The following CTNND2 variants were observed in gnomAD, a reference collection of about 807,000 sequenced individuals.
CTNND2 encodes the protein catenin delta-2.
CTNND2 carries 22 observed loss-of-function variants against 144.4 expected under a neutral mutation model. The ratio of observed to expected loss-of-function variants is 0.15; its 90% confidence interval spans 0.11 to 0.22. The LOEUF (loss-of-function observed/expected upper bound fraction) is 0.22, where lower values mean the gene tolerates loss of function less well. Ranked by LOEUF, CTNND2 falls within the 10% of genes least tolerant of loss-of-function variation. CTNND2 has a pLI of 1.00. For missense variants in CTNND2, 1,353 were observed against 1,618.8 expected, an observed-to-expected ratio of 0.84 and a Z score of 2.82; for synonymous variants, 751 against 695.6, an observed-to-expected ratio of 1.08 and a Z score of -1.25.
At position 11,869,124 on chromosome 5, in the gene CTNND2, G is replaced by T. The variant is rs920739882; in HGVS notation, c.37+34693C>A. 1.3e-5 allele frequency among the ~76,000 whole-genome samples: 2 copies of T among 152,070 alleles called. 1 individual carries two copies. The highest frequency in any genetic ancestry group is 4.1e-4 in the South Asian group (2 of 4,820). ...TGTTGGTGAAAATGTGGACAAACTG[G>T]AACCCTCATGCATTGCTAACAGGCA... On this transcript the variant is annotated intron_variant, in intron 1 of 21. Transcript: ENST00000304623.
chr5:11,311,010 A>C (rs1481039489), intron 9 of CTNND2, among the ~76,000 whole-genome samples: 8 of 136,100 alleles, frequency 5.9e-5, no homozygotes, highest in Non-Finnish European at 1.1e-4. Context: ...CCCTCACCCC[A>C]CACACACAAT....
chr5:11,018,577 C>T (rs950945463), intron 17 of CTNND2, among the ~76,000 whole-genome samples: 12 of 152,232 alleles, frequency 7.9e-5, no homozygotes, highest in Middle Eastern at 3.4e-3. Context: ...CCCCAGTGAA[C>T]ACACGAATAA....
chr5:11,007,066 AG>A (rs1439235629), intron 18 of CTNND2, among the ~76,000 whole-genome samples: 1 of 152,248 alleles, frequency 6.6e-6, no homozygotes. Context: ...AACTGGGGAA[AG>A]GTAACCCAAT....
At chr5:11,840,622 G>GT (rs1794416464) in intron 1 of CTNND2, among the ~76,000 whole-genome samples, 1 of 152,046 alleles carries the variant, frequency 6.6e-6, no homozygotes, top group South Asian at 2.1e-4. Flanking sequence ...AAAATAACTC[G>GT]TATCACTTCA....
chr5:11,860,705 AC>A (rs1795460299), intron 1 of CTNND2, among the ~76,000 whole-genome samples: 1 of 152,206 alleles, frequency 6.6e-6, no homozygotes, highest in Non-Finnish European at 1.5e-5. Flanking sequence ...TAGAACTTTT[AC>A]TTTACTTTTA....
At chr5:11,558,384 C>CTGTG (rs1561554563) in intron 3 of CTNND2, among the ~76,000 whole-genome samples, 1,016 of 55,110 alleles carry the variant, frequency 0.018, 3 homozygotes, top group Non-Finnish European at 0.027. Context: ...GTGTGTGTGA[C>CTGTG]ACACAAGGTC....
chr5:11,769,070 G>A (rs550690396), intron 1 of CTNND2, among the ~76,000 whole-genome samples: 2 of 152,138 alleles, frequency 1.3e-5, no homozygotes, highest in East Asian at 1.9e-4. Flanking sequence ...ATATGCATCC[G>A]AATCTCCTGG....
At chr5:11,654,458 T>C (rs1782808152) in intron 2 of CTNND2, among the ~76,000 whole-genome samples, 1 of 152,046 alleles carries the variant, frequency 6.6e-6, no homozygotes, top group Admixed American at 6.6e-5. Flanking sequence ...TTTAAATTTA[T>C]TCATAAGCAT....
intron 1 of CTNND2, among the ~76,000 whole-genome samples, chr5:11,734,926 A>G (rs549136807): frequency 6.6e-6 from 1 of 152,172 alleles, no homozygotes; most frequent in South Asian, 2.1e-4. Context: ...ACCAATGGGG[A>G]TTGGAATAGC....
intron 16 of CTNND2, among the ~76,000 whole-genome samples, chr5:11,042,797 G>A (rs1317909431): frequency 6.6e-6 from 1 of 151,304 alleles, no homozygotes; most frequent in Non-Finnish European, 1.5e-5. Context: ...CAGCAAGCCT[G>A]GTGTGGCTTG....
At chr5:11,748,848 C>T (rs1212145020) in intron 1 of CTNND2, among the ~76,000 whole-genome samples, 5 of 151,950 alleles carry the variant, frequency 3.3e-5, no homozygotes, top group Non-Finnish European at 7.4e-5. Context: ...ACTTCACCTC[C>T]CCTTGAGAGT....
intron 16 of CTNND2, among the ~76,000 whole-genome samples, chr5:11,053,629 T>C (rs1746067422): frequency 6.6e-6 from 1 of 152,238 alleles, no homozygotes; most frequent in Non-Finnish European, 1.5e-5. Context: ...CAAAATGCAT[T>C]TGATCTTCTA....
intron 2 of CTNND2, among the ~76,000 whole-genome samples, chr5:11,723,283 A>G (rs1238562833): frequency 6.6e-6 from 1 of 152,236 alleles, no homozygotes; most frequent in African/African-American, 2.4e-5. Flanking sequence ...CATTTTATTA[A>G]TGAAGGATAT....
chr5:11,361,281 A>G (rs1756423154), intron 8 of CTNND2, among the ~76,000 whole-genome samples: 1 of 152,150 alleles, frequency 6.6e-6, no homozygotes, highest in East Asian at 1.9e-4. Flanking sequence ...TCGGCCTCCC[A>G]AAGTGCTGGG....
intron 16 of CTNND2, among the ~76,000 whole-genome samples, chr5:11,040,159 T>A (rs1197527232): frequency 6.6e-6 from 1 of 152,112 alleles, no homozygotes. Context: ...GGCAGGAGAA[T>A]TGTTTGAACC....
chr5:11,283,852 T>C (rs986725059), intron 9 of CTNND2, among the ~76,000 whole-genome samples: 1 of 152,272 alleles, frequency 6.6e-6, no homozygotes, highest in South Asian at 2.1e-4. Context: ...ATGTAAACCT[T>C]AGAAAAAGTA....
intron 7 of CTNND2, among the ~76,000 whole-genome samples, chr5:11,381,404 A>G (rs1475044373): frequency 6.6e-6 from 1 of 152,126 alleles, no homozygotes; most frequent in Non-Finnish European, 1.5e-5. Context: ...GGCCTCTCAG[A>G]CTTGGCCTTC....
chr5:11,402,128 C>T (rs1486705158), intron 5 of CTNND2, among the ~76,000 whole-genome samples: 2 of 151,938 alleles, frequency 1.3e-5, no homozygotes, highest in Middle Eastern at 3.2e-3. Flanking sequence ...TGCAATAAAA[C>T]AACAACAACA....
rs570373532 is a variant in CTNND2 at position 11,209,342 on chromosome 5, T to C, written c.1762-9681A>G. ...TAGTTAAAACGTTGTGATACTGATG[T>C]AGTAGTCAAGATGGCTTAGTGGAAC... On this transcript the variant is annotated intron_variant, in intron 10 of 21. Coordinates refer to ENST00000304623, the MANE Select transcript of CTNND2 (RefSeq NM_001332.4). 1.2e-3 allele frequency among the ~76,000 whole-genome samples: 181 copies of C among 152,328 alleles called. 4 individuals carry two copies. The South Asian group carries it at 0.035, about 29-fold the overall frequency.
Sources: gnomAD v4.1 joint callset for allele counts (sites outside exome capture counted in the v4.1 genomes callset) on GRCh38, gnomAD v4.1.1 for gene constraint, MANE v1.5 for transcripts, NCBI Gene and HGNC (gene_info 2026-07-23, HGNC 2026-07-21) for gene names.